The following CACNA1D variants were observed in gnomAD, a reference collection of about 807,000 sequenced individuals.
CACNA1D encodes the protein calcium voltage-gated channel subunit alpha1 D, also known as voltage-dependent L-type calcium channel subunit alpha-1D.
In CACNA1D, 55 loss-of-function variants were observed where a neutral mutation model predicts 257.1. The observed-to-expected ratio is 0.21, with a 90% CI of 0.17 to 0.27. CACNA1D has a LOEUF of 0.27. Among genes scored for constraint, CACNA1D ranks in the 10% least tolerant of loss-of-function variants. The pLI is 1.00. For synonymous variants in CACNA1D, 980 were observed against 1,014.9 expected, an observed-to-expected ratio of 0.97 and a Z score of 0.65; for missense variants, 1,876 against 2,784.0, an observed-to-expected ratio of 0.67 and a Z score of 7.34.
In CACNA1D at chr3:53,576,326, A is replaced by T. The variant is rs564656886; in HGVS notation, c.484-74453A>T. 2.7e-3 allele frequency among the ~76,000 whole-genome samples: 405 copies of T among 152,316 alleles called. 2 individuals are homozygous for T. Among genetic ancestry groups the T allele is most frequent in the Non-Finnish European group, 4.5e-3 (309 of 68,024 alleles). On this transcript the variant is annotated intron_variant, in intron 3 of 47. Coordinates refer to ENST00000350061, the MANE Select transcript of CACNA1D (RefSeq NM_001128840.3). ...TTAAAACAAAATGGCAACCAATGAAAGTTTTCTGGTGAGTGTTATCCTCCG... is the reference window on the plus strand; with the variant it reads ...TTAAAACAAAATGGCAACCAATGAATGTTTTCTGGTGAGTGTTATCCTCCG...
intron 8 of CACNA1D, among the ~76,000 whole-genome samples, chr3:53,684,516 T>C (rs9821887): frequency 0.011 from 1,680 of 148,784 alleles, 33 homozygotes; most frequent in African/African-American, 0.04. Context: ...CCAGCTACTC[T>C]GGAGGCTGAG....
chr3:53,811,906 C>A lies in CACNA1D; in HGVS notation c.*500C>A, dbSNP rs2095602398. ...ACCCTTTCCCCCAAATACACTGCGTCCTGGTTCCTGTTTAGCTGTTCTGAA... is the reference window on the plus strand; with the variant it reads ...ACCCTTTCCCCCAAATACACTGCGTACTGGTTCCTGTTTAGCTGTTCTGAA... On this transcript the variant is annotated 3_prime_UTR_variant, in exon 48 of 48. Coordinates refer to ENST00000350061, the MANE Select transcript of CACNA1D (RefSeq NM_001128840.3). This position sits in a 1 kb window ranked among gnomAD's most constrained non-coding sequence, Gnocchi z 4.2. 1 of 152,966 alleles carries A rather than the reference C, an allele frequency of 6.5e-6. No individual in the cohort carries two copies. The highest frequency in any genetic ancestry group is 2.1e-4 in the South Asian group (1 of 4,838). 9.5% of individuals were successfully genotyped at this position (152,966 alleles called of 1,614,324 possible).
chr3:53,808,287 G>A (rs1477399806), intron 45 of CACNA1D: 20 of 262,488 alleles, frequency 7.6e-5, no homozygotes, highest in Admixed American at 2.0e-4. Context: ...GGTGGCGGGC[G>A]CCTGTAGTCC....
intron 3 of CACNA1D, among the ~76,000 whole-genome samples, chr3:53,570,282 T>C (rs184040406): frequency 1.5e-4 from 23 of 152,332 alleles, no homozygotes; most frequent in Admixed American, 4.6e-4. Flanking sequence ...TGTCTTCTAA[T>C]TAATGAGAAA....
intron 3 of CACNA1D, among the ~76,000 whole-genome samples, chr3:53,613,737 C>T (rs769114996): frequency 1.8e-4 from 28 of 151,930 alleles, no homozygotes; most frequent in Non-Finnish European, 2.8e-4. Flanking sequence ...CCAGCTTCTG[C>T]TTGGATTGAG....
intron 3 of CACNA1D, among the ~76,000 whole-genome samples, chr3:53,618,281 C>T (rs910702899): frequency 1.3e-5 from 2 of 152,168 alleles, no homozygotes; most frequent in Non-Finnish European, 2.9e-5. Flanking sequence ...CAGGTGCTGG[C>T]AGTGCTGCAG....
intron 3 of CACNA1D, among the ~76,000 whole-genome samples, chr3:53,598,885 T>G (rs113677871): frequency 3.3e-5 from 5 of 152,352 alleles, no homozygotes; most frequent in South Asian, 2.1e-4. Flanking sequence ...TTGGAAGATC[T>G]TTCTGAGTTG....
At chr3:53,633,484 G>C (rs947273307) in intron 3 of CACNA1D, among the ~76,000 whole-genome samples, 1 of 151,972 alleles carries the variant, frequency 6.6e-6, no homozygotes, top group Non-Finnish European at 1.5e-5. Context: ...AGTTAGAGAA[G>C]AGCAAAGTGC....
At chr3:53,720,345 T>C (rs542362818) in intron 11 of CACNA1D, among the ~76,000 whole-genome samples, 2 of 152,354 alleles carry the variant, frequency 1.3e-5, no homozygotes, top group South Asian at 2.1e-4. Flanking sequence ...CTTTGTGATC[T>C]TGAGTTATGC....
At chr3:53,801,723 G>A (rs1039725632) in intron 42 of CACNA1D, among the ~76,000 whole-genome samples, 1 of 152,210 alleles carries the variant, frequency 6.6e-6, no homozygotes, top group South Asian at 2.1e-4. Context: ...CATACTGTGC[G>A]ACAGGGGTTG....
intron 3 of CACNA1D, among the ~76,000 whole-genome samples, chr3:53,566,998 G>A (rs2092854858): frequency 6.6e-6 from 1 of 152,210 alleles, no homozygotes; most frequent in African/African-American, 2.4e-5. Flanking sequence ...TCCCCAAGGG[G>A]AGCAGCAGAT....
chr3:53,707,487 G>C (rs913527238), intron 9 of CACNA1D, among the ~76,000 whole-genome samples: 1 of 152,156 alleles, frequency 6.6e-6, no homozygotes, highest in Non-Finnish European at 1.5e-5. Flanking sequence ...CCAGCTTTGT[G>C]CATTCATAGA....
intron 3 of CACNA1D, among the ~76,000 whole-genome samples, chr3:53,626,688 T>A (rs1270542462): frequency 3.3e-5 from 5 of 152,226 alleles, no homozygotes; most frequent in Non-Finnish European, 5.9e-5. Context: ...GCTTATGATG[T>A]TAGATCAGTT....
chr3:53,551,004 T>C (rs899066553), intron 3 of CACNA1D, among the ~76,000 whole-genome samples: 2 of 152,194 alleles, frequency 1.3e-5, no homozygotes, highest in African/African-American at 2.4e-5. Context: ...GGCCTAACTG[T>C]TTGCCAAATT....
intron 8 of CACNA1D, among the ~76,000 whole-genome samples, chr3:53,689,043 A>G (rs553897917): frequency 2.6e-5 from 4 of 152,270 alleles, no homozygotes; most frequent in Non-Finnish European, 4.4e-5. Context: ...CCCTTTGGCT[A>G]TCAGTCAAGG....
At chr3:53,549,932 C>T (rs1018916003) in intron 3 of CACNA1D, among the ~76,000 whole-genome samples, 1 of 151,996 alleles carries the variant, frequency 6.6e-6, no homozygotes, top group African/African-American at 2.4e-5. Flanking sequence ...CCTTCAAATA[C>T]TCAAAGGATC....
intron 3 of CACNA1D, among the ~76,000 whole-genome samples, chr3:53,628,725 G>A (rs7630805): frequency 0.63 from 95,758 of 152,036 alleles, 32,314 homozygotes; most frequent in African/African-American, 0.87. Context: ...TTGTGTTTTC[G>A]AAAGCCTCAG....
intron 44 of CACNA1D, among the ~76,000 whole-genome samples, chr3:53,803,874 C>T (rs2095548584): frequency 6.6e-6 from 1 of 152,208 alleles, no homozygotes; most frequent in African/African-American, 2.4e-5. Context: ...CTTTCCACCA[C>T]CCGTCTTTGG....
chr3:53,500,730 T>A (rs937129518), intron 2 of CACNA1D, among the ~76,000 whole-genome samples: 7 of 152,226 alleles, frequency 4.6e-5, no homozygotes, highest in Non-Finnish European at 1.0e-4. Flanking sequence ...TTTTGGCAGA[T>A]GTCAAATTTT....
Sources: gnomAD v4.1 joint callset for allele counts (sites outside exome capture counted in the v4.1 genomes callset) on GRCh38, gnomAD v4.1.1 for gene constraint, Gnocchi (gnomAD v3.1) non-coding constraint, MANE v1.5 for transcripts, NCBI Gene and HGNC (gene_info 2026-07-23, HGNC 2026-07-21) for gene names.